CDADC1: variants seen among roughly 807,000 people sequenced by gnomAD.
CDADC1 encodes dCTP deaminase.
CDADC1 carries 39 observed loss-of-function variants against 54.9 expected under a neutral mutation model. That is an observed-to-expected ratio of 0.71 (90% CI 0.55 to 0.93). CDADC1 has a LOEUF of 0.93. Ranked by LOEUF, CDADC1 falls within the 40% of genes least tolerant of loss-of-function variation. CDADC1 has a pLI of 0.00. For missense variants in CDADC1, 518 were observed against 618.8 expected (o/e 0.84, Z 1.73); for synonymous variants, 186 against 204.0 (o/e 0.91, Z 0.75).
intron 9 of CDADC1, among the ~76,000 whole-genome samples, chr13:49,290,293 C>T (rs1330003534): frequency 6.6e-6 from 1 of 151,696 alleles, no homozygotes; most frequent in South Asian, 2.1e-4. Context: ...TAGTTTTATT[C>T]AGTTTTAAAC....
At chr13:49,286,555 A>G (rs9316437) in intron 9 of CDADC1, among the ~76,000 whole-genome samples, 45,026 of 152,110 alleles carry the variant, frequency 0.3, 6,784 homozygotes, top group East Asian at 0.5. Flanking sequence ...TGCATATGAA[A>G]CAGTAAACAG....
At position 49,247,936 on chromosome 13, in the gene CDADC1, G is replaced by C. The variant is rs987873295; in HGVS notation, c.-102G>C. 1 of 1,032,954 alleles carries C rather than the reference G, an allele frequency of 9.7e-7. No individual in the cohort carries two copies. The highest frequency in any genetic ancestry group is 1.5e-6 in the Non-Finnish European group (1 of 679,402). 64.0% of individuals were successfully genotyped at this position (1,032,954 alleles called of 1,614,324 possible). A position where few individuals can be genotyped will look rare whatever the true frequency, so the allele number is the denominator to read the frequency against. On this transcript the variant is annotated 5_prime_UTR_variant, in exon 1 of 10. Coordinates refer to ENST00000251108, the MANE Select transcript of CDADC1 (RefSeq NM_030911.4). ...ATCTGGCTGCGCCTAGTGGGCCGTT[G>C]CCTTACAGTTGCTGAGAGGAGGCGA...
chr13:49,248,860 C>T lies in CDADC1; in HGVS notation c.83-11C>T, dbSNP rs1262720970. 5 of 1,536,122 alleles carry T rather than the reference C, an allele frequency of 3.3e-6. No homozygotes were observed. Among genetic ancestry groups the T allele is most frequent in the Non-Finnish European group, 4.5e-6 (5 of 1,109,100 alleles). Reference sequence around the variant, plus strand: ...TAACAAAGTTTAAAGTGTTTGTCGTCTCTTTTGTAGGTCAGATACCAAGGC... The same window carrying T: ...TAACAAAGTTTAAAGTGTTTGTCGTTTCTTTTGTAGGTCAGATACCAAGGC... On this transcript the variant is annotated splice_polypyrimidine_tract_variant and intron_variant, in intron 1 of 9. Transcript: ENST00000251108.
At chr13:49,287,055 A>G (rs556244878) in intron 9 of CDADC1, among the ~76,000 whole-genome samples, 1 of 152,324 alleles carries the variant, frequency 6.6e-6, no homozygotes, top group South Asian at 2.1e-4. Flanking sequence ...GCCAGGTATC[A>G]TGGCACATGC....
chr13:49,251,739 G>C (rs1376320792), intron 2 of CDADC1, among the ~76,000 whole-genome samples: 1 of 152,122 alleles, frequency 6.6e-6, no homozygotes, highest in Non-Finnish European at 1.5e-5. Context: ...GAAGCTTTCA[G>C]TTAGCATTTT....
rs113036722 is a variant in CDADC1, at chr13:49,259,755, G to T, written c.430+232G>T. The stretch of plus-strand genomic sequence containing the variant: ...CCCACTACTTGAGATAATGAGGTGG[G>T]AGGATTGCTTGAGCCCAGGATGTCA... On this transcript the variant is annotated intron_variant, in intron 4 of 9. Coordinates refer to ENST00000251108, the MANE Select transcript of CDADC1 (RefSeq NM_030911.4). 2.9e-3 allele frequency among the ~76,000 whole-genome samples: 435 copies of T among 152,124 alleles called. No homozygotes were observed. Among genetic ancestry groups the T allele is most frequent in the Middle Eastern group, 0.01 (3 of 294 alleles).
chr13:49,256,019 A>T, intron 3 of CDADC1, 106 bp downstream of exon 3: 7 of 1,444,176 alleles, frequency 4.8e-6, no homozygotes, highest in East Asian at 2.5e-5. Flanking sequence ...GGGAGTTTTT[A>T]AAATACTCTT....
intron 8 of CDADC1, among the ~76,000 whole-genome samples, chr13:49,284,871 G>A (rs956428332): frequency 6.6e-6 from 1 of 152,150 alleles, no homozygotes; most frequent in Non-Finnish European, 1.5e-5. Flanking sequence ...GCCCTAGCAG[G>A]GCCTTTTGGT....
intron 8 of CDADC1, among the ~76,000 whole-genome samples, chr13:49,286,020 G>T (rs1436126219): frequency 6.6e-6 from 1 of 151,966 alleles, no homozygotes; most frequent in Non-Finnish European, 1.5e-5. Flanking sequence ...CACCATGTTG[G>T]CCAGGTTGGT....
chr13:49,260,977 A>G (rs982296778), intron 4 of CDADC1, among the ~76,000 whole-genome samples: 3 of 152,210 alleles, frequency 2.0e-5, no homozygotes, highest in African/African-American at 7.2e-5. Context: ...GTCAGGGGGA[A>G]CAGTGTATAT....
At chr13:49,286,104 A>G in intron 8 of CDADC1, 118 bp from the exon 9 acceptor site, 1 of 793,870 alleles carries the variant, frequency 1.3e-6, no homozygotes, top group Admixed American at 2.2e-5. Flanking sequence ...GTGACCCACT[A>G]TGCCCAGCCA....
At chr13:49,268,094 G>T in intron 5 of CDADC1, 35 bp downstream of exon 5, 1 of 1,500,678 alleles carries the variant, frequency 6.7e-7, no homozygotes, top group East Asian at 2.3e-5. Flanking sequence ...GGGCTGATTG[G>T]TTGGGTTGTA....
chr13:49,266,292 G>A (rs139757840), intron 4 of CDADC1, among the ~76,000 whole-genome samples: 98 of 152,166 alleles, frequency 6.4e-4, no homozygotes, highest in African/African-American at 2.1e-3. Flanking sequence ...GCATCTCATC[G>A]TTCAATTTCA....
At position 49,277,434 on chromosome 13, in the gene CDADC1, C is replaced by CTAAA. The variant is rs534048366; in HGVS notation, c.1051-896_1051-893dup. On this transcript the variant is annotated intron_variant, in intron 6 of 9. Coordinates refer to ENST00000251108, the MANE Select transcript of CDADC1 (RefSeq NM_030911.4). ...TGGGTGACAGAGTGAGACCCTGTCT[C>CTAAA]TAAATAAATAAATAAATAAATAACT... 3.4e-3 allele frequency among the ~76,000 whole-genome samples: 516 copies of CTAAA among 151,924 alleles called. 4 individuals carry two copies. The highest frequency in any genetic ancestry group is 3.1e-3 in the Non-Finnish European group (210 of 67,924).
chr13:49,260,472 C>A (rs911052189), intron 4 of CDADC1, among the ~76,000 whole-genome samples: 1 of 152,182 alleles, frequency 6.6e-6, no homozygotes, highest in South Asian at 2.1e-4. Flanking sequence ...TTCTTAAAAA[C>A]CCTGACCTGG....
At chr13:49,266,514 G>A (rs188278921) in intron 4 of CDADC1, among the ~76,000 whole-genome samples, 1 of 152,034 alleles carries the variant, frequency 6.6e-6, no homozygotes, top group Admixed American at 6.6e-5. Flanking sequence ...TTGTTGTTTT[G>A]TCTTTAATTT....
chr13:49,286,381 G>A (rs1036766845), intron 9 of CDADC1, 99 bp downstream of exon 9: 4 of 852,932 alleles, frequency 4.7e-6, no homozygotes, highest in Non-Finnish European at 7.6e-6. Context: ...AATAGATGGA[G>A]CATATTATTT....
chr13:49,272,156 G>A (rs1034450997), intron 5 of CDADC1, among the ~76,000 whole-genome samples: 5 of 152,144 alleles, frequency 3.3e-5, no homozygotes, highest in Non-Finnish European at 7.3e-5. Context: ...AAAATATGCA[G>A]TGTTGATGGT....
chr13:49,254,303 T>C (rs183646188), intron 2 of CDADC1, among the ~76,000 whole-genome samples: 7 of 152,334 alleles, frequency 4.6e-5, no homozygotes, highest in Non-Finnish European at 1.0e-4. Context: ...GGTTCTTTCT[T>C]TTCTAGCATC....
Sources: gnomAD v4.1 joint callset for allele counts (sites outside exome capture counted in the v4.1 genomes callset) on GRCh38, gnomAD v4.1.1 for gene constraint, MANE v1.5 for transcripts, NCBI Gene and HGNC (gene_info 2026-07-23, HGNC 2026-07-21) for gene names.